The following RUNX1T1 variants were observed in gnomAD, a reference collection of about 807,000 sequenced individuals.
The protein encoded by RUNX1T1 is RUNX1 partner transcriptional co-repressor 1.
In RUNX1T1, 4 loss-of-function variants were observed where a neutral mutation model predicts 62.8. That is an observed-to-expected ratio of 0.06 (90% CI 0.03 to 0.15). RUNX1T1 has a LOEUF of 0.15. Ranked by LOEUF, RUNX1T1 falls within the 10% of genes least tolerant of loss-of-function variation. RUNX1T1 has a pLI of 1.00. For missense variants in RUNX1T1, 508 were observed against 754.3 expected, an observed-to-expected ratio of 0.67 and a Z score of 3.82; for synonymous variants, 291 against 286.0, an observed-to-expected ratio of 1.02 and a Z score of -0.18.
At chr8:92,041,906 C>A (rs1181248859) in intron 1 of RUNX1T1, among the ~76,000 whole-genome samples, 1 of 147,148 alleles carries the variant, frequency 6.8e-6, no homozygotes, top group African/African-American at 2.5e-5. Flanking sequence ...GCAACCTCTG[C>A]CTCCCAGATT....
intron 1 of RUNX1T1, among the ~76,000 whole-genome samples, chr8:92,049,656 C>T (rs918270389): frequency 6.6e-6 from 1 of 152,124 alleles, no homozygotes; most frequent in Non-Finnish European, 1.5e-5. Context: ...GGGGAAGAAC[C>T]TCTACCCCAA....
At chr8:92,034,243 C>A (rs1275672723) in intron 1 of RUNX1T1, among the ~76,000 whole-genome samples, 1 of 152,094 alleles carries the variant, frequency 6.6e-6, no homozygotes, top group Non-Finnish European at 1.5e-5. Flanking sequence ...AGAAAAAGGT[C>A]CACAAACACT....
chr8:91,975,933 G>A lies in RUNX1T1; in HGVS notation c.1239C>T (p.Tyr413=), dbSNP rs537704114. ...CTTTCTTCCAGATCTCCTCTGGCAC[G>A]TATCCAGACGCAGGCCTGTGAAGGA... Residue 413 remains tyrosine, a synonymous_variant, in exon 9 of 11, where the codon TAC becomes TAT. Transcript: ENST00000396218. 45 of 1,613,038 alleles carry A rather than the reference G, an allele frequency of 2.8e-5. 1 individual carries two copies. In the South Asian group the frequency reaches 4.3e-4, roughly 15 times the overall value.
At chr8:92,095,560 C>A in intron 1 of RUNX1T1, 1 of 1,449,054 alleles carries the variant, frequency 6.9e-7, no homozygotes, top group Non-Finnish European at 9.0e-7. Context: ...CAGATGGAGG[C>A]AGGAAAATAA....
chr8:92,051,208 A>C (rs1418920405), intron 1 of RUNX1T1, among the ~76,000 whole-genome samples: 2 of 152,122 alleles, frequency 1.3e-5, no homozygotes, highest in Non-Finnish European at 2.9e-5. Context: ...ATTCCTCAGC[A>C]TCTATAACAG....
At chr8:91,962,619 C>T (rs1810746546) in intron 10 of RUNX1T1, among the ~76,000 whole-genome samples, 1 of 152,210 alleles carries the variant, frequency 6.6e-6, no homozygotes, top group African/African-American at 2.4e-5. Flanking sequence ...GTGGGCCTGG[C>T]CCACCCTTCA....
chr8:92,007,967 CAAAAAAAAA>C (rs34232877), intron 4 of RUNX1T1, among the ~76,000 whole-genome samples: 7 of 85,396 alleles, frequency 8.2e-5, no homozygotes, highest in South Asian at 4.7e-4. Flanking sequence ...GACTTTGTTT[CAAAAAAAAA>C]AAAAAAAAAA....
At chr8:92,067,847 A>G (rs562783334), upstream of RUNX1T1, among the ~76,000 whole-genome samples, 1 of 152,338 alleles carries the variant, frequency 6.6e-6, no homozygotes, top group East Asian at 1.9e-4. Flanking sequence ...AAATATGACA[A>G]TATATTGTAG....
intron 3 of RUNX1T1, among the ~76,000 whole-genome samples, 169 bp downstream of exon 4, chr8:92,014,410 T>C (rs1822595714): frequency 6.6e-6 from 1 of 152,176 alleles, no homozygotes; most frequent in Non-Finnish European, 1.5e-5. Flanking sequence ...CAATATATAA[T>C]GCAGAATTTA....
At chr8:92,035,220 G>A (rs573068378) in intron 1 of RUNX1T1, among the ~76,000 whole-genome samples, 5 of 151,654 alleles carry the variant, frequency 3.3e-5, no homozygotes, top group Admixed American at 6.6e-5. Context: ...GCTTGAACCC[G>A]GGAAGCAGAG....
intron 10 of RUNX1T1, among the ~76,000 whole-genome samples, chr8:91,962,415 T>C (rs922981543): frequency 6.6e-6 from 1 of 152,204 alleles, no homozygotes; most frequent in African/African-American, 2.4e-5. Context: ...TGTCAAAAAA[T>C]GTCATAAGTT....
chr8:92,007,954 C>A (rs1395352906), intron 4 of RUNX1T1, among the ~76,000 whole-genome samples: 4 of 120,500 alleles, frequency 3.3e-5, no homozygotes, highest in East Asian at 2.3e-4. Context: ...GGTAACAGAG[C>A]GAGACTTTGT....
At chr8:92,037,874 A>G (rs1827715413) in intron 1 of RUNX1T1, among the ~76,000 whole-genome samples, 1 of 152,064 alleles carries the variant, frequency 6.6e-6, no homozygotes, top group Non-Finnish European at 1.5e-5. Flanking sequence ...AATATTTTTT[A>G]AGACTTACTA....
intron 5 of RUNX1T1, chr8:92,004,430 T>C (rs1011672357): frequency 2.6e-5 from 4 of 152,202 alleles, no homozygotes; most frequent in African/African-American, 9.7e-5. Context: ...ATGGGAAATT[T>C]CATGTGTATG....
At chr8:91,959,411 CTTGTGTGTGTGT>C (rs1448060406) in exon 11 of RUNX1T1, 32 of 161,872 alleles carry the variant, frequency 2.0e-4, no homozygotes, top group Admixed American at 7.1e-4. Context: ...GAGTCTCTTA[CTTGTGTGTGTGT>C]GTGTGTGTGT....
At chr8:92,046,981 T>G (rs1829507287) in intron 1 of RUNX1T1, among the ~76,000 whole-genome samples, 2 of 152,172 alleles carry the variant, frequency 1.3e-5, no homozygotes, top group Admixed American at 1.3e-4. Flanking sequence ...TGTTTAAGCA[T>G]CTGATTTTAT....
intron 1 of RUNX1T1, among the ~76,000 whole-genome samples, chr8:92,049,721 CA>C (rs1186425470): frequency 6.6e-6 from 1 of 152,142 alleles, no homozygotes; most frequent in East Asian, 1.9e-4. Context: ...ATGCCTAACA[CA>C]ATAAGTCGAA....
At chr8:91,972,916 A>AT (rs1021209380) in intron 9 of RUNX1T1, among the ~76,000 whole-genome samples, 3 of 152,074 alleles carry the variant, frequency 2.0e-5, no homozygotes, top group Non-Finnish European at 4.4e-5. Context: ...TTCCAGTTTC[A>AT]TAAAGACCTT....
intron 9 of RUNX1T1, among the ~76,000 whole-genome samples, chr8:91,972,270 C>T (rs1441432311): frequency 6.6e-6 from 1 of 152,130 alleles, no homozygotes; most frequent in Non-Finnish European, 1.5e-5. Flanking sequence ...ATCAGAAGCT[C>T]TCCACTAGTA....
Sources: allele counts gnomAD v4.1 joint callset (sites outside exome capture counted in the v4.1 genomes callset), GRCh38; gene constraint gnomAD v4.1.1; transcripts MANE v1.5; gene names NCBI Gene and HGNC (gene_info 2026-07-23, HGNC 2026-07-21).